The following CTNNA3 variants were observed in gnomAD, a reference collection of about 807,000 sequenced individuals.
CTNNA3 encodes catenin alpha-3.
Under a neutral mutation model 95.7 loss-of-function variants are expected in CTNNA3, and 76 were observed. The observed-to-expected ratio is 0.79, with a 90% CI of 0.66 to 0.96. The LOEUF is 0.96. CTNNA3 is among the 40% of genes least tolerant of loss of function. The pLI is 0.00. For missense variants in CTNNA3, 1,191 were observed against 1,089.8 expected (o/e 1.09, Z -1.31); for synonymous variants, 431 against 374.4 (o/e 1.15, Z -1.74).
intron 13 of CTNNA3, among the ~76,000 whole-genome samples, chr10:66,154,059 C>T (rs1275577833): frequency 6.6e-6 from 1 of 151,802 alleles, no homozygotes; most frequent in Non-Finnish European, 1.5e-5. Flanking sequence ...TAAACCCATA[C>T]CTTTAAACAC....
rs967034376 is a variant in CTNNA3 at position 67,160,454 on chromosome 10, T to A, written c.1047+19863A>T. ...ACATCTTTTTTTTTTTTTTTTTTTT[T>A]TGAGACAGGGTCTTGCTCTGTCCCC... On this transcript the variant is annotated intron_variant, in intron 7 of 17. Transcript: ENST00000433211. Among the ~76,000 whole-genome samples the A allele has an allele frequency of 3.0e-3, 448 of 148,144 alleles. 2 individuals carry two copies. The highest frequency in any genetic ancestry group is 0.011 in the African/African-American group (429 of 39,552).
At chr10:66,206,424 C>T (rs1174454339) in intron 13 of CTNNA3, among the ~76,000 whole-genome samples, 1 of 151,878 alleles carries the variant, frequency 6.6e-6, no homozygotes. Context: ...CGTGGGACAA[C>T]ACTCATGAAA....
At chr10:67,288,850 G>C (rs1839710343) in intron 5 of CTNNA3, among the ~76,000 whole-genome samples, 1 of 152,130 alleles carries the variant, frequency 6.6e-6, no homozygotes, top group South Asian at 2.1e-4. Flanking sequence ...TGTAGTCCTA[G>C]CTACATGAAA....
intron 7 of CTNNA3, among the ~76,000 whole-genome samples, chr10:67,074,437 A>G (rs2147888): frequency 0.65 from 93,745 of 143,824 alleles, 31,322 homozygotes; most frequent in African/African-American, 0.87. Flanking sequence ...TGCAAGCTCC[A>G]CCTCCCGGGT....
intron 13 of CTNNA3, among the ~76,000 whole-genome samples, chr10:66,228,160 C>T (rs1370133698): frequency 1.3e-5 from 2 of 151,546 alleles, no homozygotes; most frequent in African/African-American, 4.8e-5. Context: ...ATTTTTTGTG[C>T]CTGTTTTGTT....
At chr10:66,427,546 G>C (rs2093253232) in intron 11 of CTNNA3, among the ~76,000 whole-genome samples, 1 of 152,046 alleles carries the variant, frequency 6.6e-6, no homozygotes, top group Non-Finnish European at 1.5e-5. Flanking sequence ...TATCTAACTA[G>C]AGGAAATGTA....
In CTNNA3 at chr10:67,353,541, C is replaced by T. The variant is rs139293526; in HGVS notation, c.580-133671G>A. 9.0e-4 allele frequency among the ~76,000 whole-genome samples: 136 copies of T among 151,496 alleles called. 1 individual carries two copies. The East Asian group carries it at 0.025, about 28-fold the overall frequency. On this transcript the variant is annotated intron_variant, in intron 5 of 17. Transcript: ENST00000433211. ...TTAAATTTGATGTTTACTTAGAATG[C>T]CTCCCTTGACAAGCAAATCATCATT...
At chr10:67,623,050 T>C (rs1420996773) in intron 2 of CTNNA3, among the ~76,000 whole-genome samples, 4 of 152,176 alleles carry the variant, frequency 2.6e-5, no homozygotes, top group African/African-American at 9.7e-5. Flanking sequence ...AGACTTCCTT[T>C]TGAGATTTCC....
At chr10:67,090,103 A>C (rs1857541542) in intron 7 of CTNNA3, among the ~76,000 whole-genome samples, 1 of 152,124 alleles carries the variant, frequency 6.6e-6, no homozygotes, top group African/African-American at 2.4e-5. Flanking sequence ...CAGGGATCTA[A>C]CTTTAAAAAC....
intron 5 of CTNNA3, among the ~76,000 whole-genome samples, chr10:67,392,210 A>AG (rs1411081594): frequency 6.6e-6 from 1 of 151,602 alleles, no homozygotes; most frequent in African/African-American, 2.4e-5. Flanking sequence ...AATTTACAAG[A>AG]AAAAAACAAA....
intron 5 of CTNNA3, among the ~76,000 whole-genome samples, chr10:67,254,476 T>C (rs1237556866): frequency 1.3e-5 from 2 of 152,134 alleles, no homozygotes; most frequent in Non-Finnish European, 2.9e-5. Context: ...TCCAAGGTAA[T>C]AGGATTGCTA....
intron 7 of CTNNA3, among the ~76,000 whole-genome samples, chr10:66,844,415 T>C (rs1051776702): frequency 4.6e-5 from 7 of 152,220 alleles, no homozygotes; most frequent in Admixed American, 4.6e-4. Context: ...GTAAAATTAA[T>C]GGCTGGGAAA....
intron 10 of CTNNA3, among the ~76,000 whole-genome samples, chr10:66,539,391 T>C (rs937806315): frequency 6.6e-6 from 1 of 151,918 alleles, no homozygotes; most frequent in Non-Finnish European, 1.5e-5. Context: ...GAAGAAGAAA[T>C]TATGCAGATG....
At chr10:66,222,546 A>C (rs1392483301) in intron 13 of CTNNA3, among the ~76,000 whole-genome samples, 2 of 151,406 alleles carry the variant, frequency 1.3e-5, no homozygotes, top group Non-Finnish European at 3.0e-5. Context: ...GAGAAAGAAG[A>C]AAATAAAGAA....
chr10:66,244,742 A>G (rs2090241397), intron 13 of CTNNA3, among the ~76,000 whole-genome samples: 1 of 152,196 alleles, frequency 6.6e-6, no homozygotes, highest in African/African-American at 2.4e-5. Context: ...GTCATTTTTA[A>G]TATCTGAAAA....
intron 13 of CTNNA3, among the ~76,000 whole-genome samples, chr10:66,126,908 C>T (rs752954920): frequency 1.3e-4 from 20 of 152,096 alleles, no homozygotes; most frequent in Admixed American, 6.5e-4. Flanking sequence ...CCTCAAGGAG[C>T]GGAAAATAAC....
At position 66,328,933 on chromosome 10, in the gene CTNNA3, T is replaced by TATATATATATATATATACAC. The variant is rs59003281; in HGVS notation, c.1733-48313_1733-48312insGTGTATATATATATATATAT. 7.1e-3 allele frequency among the ~76,000 whole-genome samples: 812 copies of TATATATATATATATATACAC among 115,096 alleles called. 9 individuals are homozygous for TATATATATATATATATACAC. Among genetic ancestry groups the TATATATATATATATATACAC allele is most frequent in the African/African-American group, 9.6e-3 (314 of 32,636 alleles). 75.5% of individuals were successfully genotyped at this position (115,096 alleles called of 152,430 possible). A position where few individuals can be genotyped will look rare whatever the true frequency, so the allele number is the denominator to read the frequency against. The stretch of plus-strand genomic sequence containing the variant: ...ATACATATATATATATATATATATA[T>TATATATATATATATATACAC]ACACACACACATATAAATATAATTT... On this transcript the variant is annotated intron_variant, in intron 12 of 17. Transcript: ENST00000433211.
chr10:67,421,255 G>A (rs997638358), intron 5 of CTNNA3, among the ~76,000 whole-genome samples: 3 of 152,226 alleles, frequency 2.0e-5, no homozygotes, highest in Non-Finnish European at 4.4e-5. Flanking sequence ...GTTGCAGGAT[G>A]TGAGAAATGT....
chr10:67,069,124 T>C (rs1467466000), intron 7 of CTNNA3, among the ~76,000 whole-genome samples: 2 of 151,936 alleles, frequency 1.3e-5, no homozygotes, highest in African/African-American at 4.8e-5. Flanking sequence ...AGAAGTGGCA[T>C]GAGTTTAAGA....
Sources: gnomAD v4.1 joint callset for allele counts (sites outside exome capture counted in the v4.1 genomes callset) on GRCh38, gnomAD v4.1.1 for gene constraint, MANE v1.5 for transcripts, NCBI Gene and HGNC (gene_info 2026-07-23, HGNC 2026-07-21) for gene names.